SPAG16: variants seen among roughly 807,000 people sequenced by gnomAD.
SPAG16 encodes the protein sperm associated antigen 16.
A neutral mutation model predicts 80.4 loss-of-function variants in SPAG16; 86 were observed. The observed-to-expected ratio is 1.07, with a 90% CI of 0.90 to 1.28. SPAG16 has a LOEUF of 1.28. Among genes scored for constraint, SPAG16 ranks in the 50% most tolerant of loss-of-function variants. SPAG16 has a pLI of 0.00. For synonymous variants in SPAG16, 294 were observed against 265.9 expected, an observed-to-expected ratio of 1.11 and a Z score of -1.03; for missense variants, 870 against 765.3, an observed-to-expected ratio of 1.14 and a Z score of -1.61.
At chr2:214,161,846 C>A (rs1164462365) in intron 15 of SPAG16, among the ~76,000 whole-genome samples, 1 of 152,000 alleles carries the variant, frequency 6.6e-6, no homozygotes, top group Non-Finnish European at 1.5e-5. Context: ...ATAAAAATAA[C>A]TTTAAAAATA....
intron 12 of SPAG16, among the ~76,000 whole-genome samples, chr2:213,980,327 G>A (rs1295730541): frequency 1.3e-4 from 3 of 22,562 alleles, no homozygotes; most frequent in African/African-American, 9.3e-4. Flanking sequence ...TAGAATATAT[G>A]TGTGTATATA....
chr2:214,062,588 C>A (rs1001047708), intron 13 of SPAG16, among the ~76,000 whole-genome samples: 2 of 151,732 alleles, frequency 1.3e-5, no homozygotes, highest in Admixed American at 6.6e-5. Context: ...TTATTTTACT[C>A]CTCTCTTTCT....
chr2:213,798,612 G>T (rs990188810), intron 10 of SPAG16, among the ~76,000 whole-genome samples: 1 of 152,074 alleles, frequency 6.6e-6, no homozygotes, highest in African/African-American at 2.4e-5. Flanking sequence ...CTAGTGTATT[G>T]TTTATTTATC....
chr2:214,218,264 C>T (rs75939683), intron 15 of SPAG16, among the ~76,000 whole-genome samples: 3,053 of 152,206 alleles, frequency 0.02, 111 homozygotes, highest in African/African-American at 0.07. Flanking sequence ...GGAAAAGGGA[C>T]GGCCTCGAGG....
intron 9 of SPAG16, among the ~76,000 whole-genome samples, chr2:213,428,687 T>C (rs1253633861): frequency 6.6e-6 from 1 of 152,220 alleles, no homozygotes; most frequent in African/African-American, 2.4e-5. Context: ...TTTCAAGTTA[T>C]ACAGCTCAGT....
chr2:213,583,398 G>A (rs961653063), intron 10 of SPAG16, among the ~76,000 whole-genome samples: 2 of 152,142 alleles, frequency 1.3e-5, no homozygotes, highest in Non-Finnish European at 2.9e-5. Flanking sequence ...CATTGTTACT[G>A]TTCTTGGAGA....
At chr2:214,191,358 C>T (rs2057657473) in intron 15 of SPAG16, among the ~76,000 whole-genome samples, 1 of 152,024 alleles carries the variant, frequency 6.6e-6, no homozygotes, top group Non-Finnish European at 1.5e-5. Flanking sequence ...ATACCTTGAG[C>T]AGTAATTTGC....
intron 15 of SPAG16, among the ~76,000 whole-genome samples, chr2:214,209,564 G>A (rs1167075636): frequency 6.6e-6 from 1 of 152,164 alleles, no homozygotes; most frequent in Non-Finnish European, 1.5e-5. Flanking sequence ...CATCTTGAAA[G>A]AGTTTTATGG....
chr2:213,866,767 T>C (rs1208706796), intron 11 of SPAG16, among the ~76,000 whole-genome samples: 1 of 152,192 alleles, frequency 6.6e-6, no homozygotes, highest in Admixed American at 6.5e-5. Flanking sequence ...AGCTAACATC[T>C]GTCTATGGAA....
At chr2:214,256,585 T>TG (rs931762911) in intron 15 of SPAG16, among the ~76,000 whole-genome samples, 123 of 150,134 alleles carry the variant, frequency 8.2e-4, no homozygotes, top group African/African-American at 2.9e-3. Context: ...CGAGAGTTTT[T>TG]GTTGTTGCTG....
At chr2:213,475,208 C>A (rs968944070) in intron 9 of SPAG16, among the ~76,000 whole-genome samples, 1 of 152,130 alleles carries the variant, frequency 6.6e-6, no homozygotes, top group African/African-American at 2.4e-5. Flanking sequence ...ATATAACTGT[C>A]CGGGTCATCT....
chr2:213,759,303 T>A (rs1390994653), intron 10 of SPAG16, among the ~76,000 whole-genome samples: 2 of 151,862 alleles, frequency 1.3e-5, no homozygotes, highest in Non-Finnish European at 2.9e-5. Flanking sequence ...AACTGCACTT[T>A]TCGTGTTCTA....
chr2:214,049,855 A>T (rs187339984), intron 13 of SPAG16, among the ~76,000 whole-genome samples: 31 of 152,294 alleles, frequency 2.0e-4, no homozygotes, highest in African/African-American at 6.3e-4. Context: ...AAACTTTTTT[A>T]AAAAAATACC....
At chr2:213,476,221 G>A (rs900176974) in intron 9 of SPAG16, among the ~76,000 whole-genome samples, 21 of 152,320 alleles carry the variant, frequency 1.4e-4, no homozygotes, top group African/African-American at 4.6e-4. Flanking sequence ...GAAAGAAAAT[G>A]TGATAGGAAA....
At chr2:213,763,770 A>T (rs1283750176) in intron 10 of SPAG16, among the ~76,000 whole-genome samples, 1 of 152,210 alleles carries the variant, frequency 6.6e-6, no homozygotes, top group Non-Finnish European at 1.5e-5. Flanking sequence ...TGCACTCATG[A>T]TGCCAAGATC....
intron 13 of SPAG16, among the ~76,000 whole-genome samples, chr2:214,099,698 A>G (rs1342455564): frequency 1.7e-4 from 26 of 152,078 alleles, no homozygotes; most frequent in Admixed American, 1.6e-3. Context: ...ATGGGAGACT[A>G]ACTTTTCATT....
chr2:214,001,056 A>G (rs963156109), intron 12 of SPAG16, among the ~76,000 whole-genome samples: 2 of 152,244 alleles, frequency 1.3e-5, no homozygotes, highest in African/African-American at 4.8e-5. Flanking sequence ...GAAAACAGAC[A>G]TAAAATTTGA....
At position 213,822,117 on chromosome 2, in the gene SPAG16, A is replaced by G. The variant is rs547850319; in HGVS notation, c.1071-40368A>G. 2.6e-4 allele frequency among the ~76,000 whole-genome samples: 40 copies of G among 152,116 alleles called. No individual in the cohort carries two copies. The South Asian group carries it at 7.0e-3, about 27-fold the overall frequency. ...TAGTTCTATCTTTAGCTTTTAAGGA[A>G]CCTCCAAACTGTTCTCCATAGTGGT... On this transcript the variant is annotated intron_variant, in intron 10 of 15. Coordinates refer to ENST00000331683, the MANE Select transcript of SPAG16 (RefSeq NM_024532.5).
chr2:213,621,882 T>C (rs2061800413), intron 10 of SPAG16, among the ~76,000 whole-genome samples: 1 of 152,204 alleles, frequency 6.6e-6, no homozygotes, highest in South Asian at 2.1e-4. Flanking sequence ...CCTTCTGATG[T>C]AGTATGTTTG....
Sources: allele counts gnomAD v4.1 joint callset (sites outside exome capture counted in the v4.1 genomes callset), GRCh38; gene constraint gnomAD v4.1.1; transcripts MANE v1.5; gene names NCBI Gene and HGNC (gene_info 2026-07-23, HGNC 2026-07-21).